Variants in NRXN1 observed in about 807,000 individuals in gnomAD.
NRXN1 encodes the protein neurexin-1.
In NRXN1, 39 loss-of-function variants were observed where a neutral mutation model predicts 150.9. The ratio of observed to expected loss-of-function variants is 0.26; its 90% CI spans 0.20 to 0.34. The LOEUF (loss-of-function observed/expected upper bound fraction) is 0.34. NRXN1 is among the 10% of genes least tolerant of loss of function. NRXN1 has a pLI of 1.00. For synonymous variants in NRXN1, 924 were observed against 757.0 expected (o/e 1.22, Z -3.62); for missense variants, 1,815 against 1,949.9 (o/e 0.93, Z 1.30).
chr2:50,286,029 T>C (rs2152938045), intron 17 of NRXN1, among the ~76,000 whole-genome samples: 1 of 152,280 alleles, frequency 6.6e-6, no homozygotes, highest in South Asian at 2.1e-4. Flanking sequence ...CAGATAAAAT[T>C]GTATGTGTTT....
At chr2:50,475,638 G>A (rs1037389103) in intron 15 of NRXN1, among the ~76,000 whole-genome samples, 4 of 152,002 alleles carry the variant, frequency 2.6e-5, no homozygotes, top group Non-Finnish European at 5.9e-5. Context: ...CAAGGTAGAC[G>A]AGGTTGGCTT....
chr2:50,457,841 G>T (rs2087732640), intron 17 of NRXN1, among the ~76,000 whole-genome samples: 1 of 152,020 alleles, frequency 6.6e-6, no homozygotes, highest in Non-Finnish European at 1.5e-5. Flanking sequence ...AACACATGCT[G>T]GCAAAAATTT....
intron 18 of NRXN1, among the ~76,000 whole-genome samples, chr2:50,228,552 T>A (rs2064628131): frequency 6.6e-6 from 1 of 151,970 alleles, no homozygotes; most frequent in Non-Finnish European, 1.5e-5. Context: ...AATATTAGTA[T>A]GGTAGTGACA....
intron 17 of NRXN1, among the ~76,000 whole-genome samples, chr2:50,247,614 T>C (rs1026125109): frequency 3.9e-5 from 6 of 152,170 alleles, no homozygotes; most frequent in South Asian, 4.1e-4. Context: ...CAAACCCAAA[T>C]TGAAGGACAT....
chr2:50,547,722 T>A (rs1317285768), intron 9 of NRXN1, among the ~76,000 whole-genome samples: 2 of 152,192 alleles, frequency 1.3e-5, no homozygotes, highest in African/African-American at 4.8e-5. Flanking sequence ...CCACTCTGAT[T>A]CACTAAATCA....
At chr2:49,986,313 C>G (rs1680903360) in intron 21 of NRXN1, among the ~76,000 whole-genome samples, 1 of 152,082 alleles carries the variant, frequency 6.6e-6, no homozygotes, top group African/African-American at 2.4e-5. Context: ...GATATTTACT[C>G]TATTAGAAAT....
At chr2:50,244,943 TC>T (rs1448991210) in intron 17 of NRXN1, among the ~76,000 whole-genome samples, 4 of 151,766 alleles carry the variant, frequency 2.6e-5, no homozygotes, top group African/African-American at 9.7e-5. Context: ...ATAAGAAAAA[TC>T]TATGTGTGTA....
intron 21 of NRXN1, 81 bp from the exon 22 acceptor site, chr2:49,943,872 T>TC: frequency 9.6e-7 from 1 of 1,041,650 alleles, no homozygotes; most frequent in East Asian, 2.6e-5. Context: ...ACAAGTGAAA[T>TC]ACAATTTGTT....
At chr2:50,382,530 T>G (rs1165509345) in intron 17 of NRXN1, among the ~76,000 whole-genome samples, 2 of 152,174 alleles carry the variant, frequency 1.3e-5, no homozygotes, top group African/African-American at 2.4e-5. Context: ...GAGGAAACCT[T>G]TCTCCTGGGC....
chr2:50,022,321 A>G (rs887189103), intron 21 of NRXN1, among the ~76,000 whole-genome samples: 1 of 152,114 alleles, frequency 6.6e-6, no homozygotes, highest in Non-Finnish European at 1.5e-5. Flanking sequence ...TTTATTCCTT[A>G]TTGTTCCAGT....
chr2:50,924,277 C>T (rs1686525836), intron 3 of NRXN1, among the ~76,000 whole-genome samples: 1 of 151,748 alleles, frequency 6.6e-6, no homozygotes, highest in East Asian at 1.9e-4. Flanking sequence ...TCCTGCTAGA[C>T]TTTCTACCTA....
At chr2:49,942,428 A>G (rs1672146043) in intron 22 of NRXN1, among the ~76,000 whole-genome samples, 1 of 152,090 alleles carries the variant, frequency 6.6e-6, no homozygotes, top group South Asian at 2.1e-4. Flanking sequence ...GATTTGCTCT[A>G]AAGAGCGGAT....
Position 49,962,080 on chromosome 2 carries a change from A to G in NRXN1, c.4129-18289T>C, listed in dbSNP as rs76579563. Among the ~76,000 whole-genome samples the G allele has an allele frequency of 3.8e-3, 580 of 152,262 alleles. 4 individuals are homozygous for G. The highest frequency in any genetic ancestry group is 0.013 in the African/African-American group (553 of 41,550). ...CCTAACACTAAAAAAAAGAAAAAAG[A>G]AAAATATCTGGTGTGTTTGTGGTAT... On this transcript the variant is annotated intron_variant, in intron 21 of 22. Coordinates refer to ENST00000401669, the MANE Select transcript of NRXN1 (RefSeq NM_001330078.2).
chr2:50,472,549 A>G (rs1026976318), intron 15 of NRXN1, 78 bp from the exon 16 acceptor site: 2 of 1,128,054 alleles, frequency 1.8e-6, no homozygotes, highest in Non-Finnish European at 2.5e-6. Flanking sequence ...GAGAAAAAAC[A>G]GGGAGGTTTA....
intron 18 of NRXN1, among the ~76,000 whole-genome samples, chr2:50,107,539 A>ATATATATATATATATAT (rs59921941): frequency 7.7e-6 from 1 of 129,880 alleles, no homozygotes; most frequent in East Asian, 2.3e-4. Context: ...ATATATATAT[A>ATATATATATATATATAT]TTTTTTTTTT....
chr2:50,586,582 AC>A (rs1357333669), intron 8 of NRXN1, among the ~76,000 whole-genome samples: 3 of 152,088 alleles, frequency 2.0e-5, no homozygotes, highest in African/African-American at 7.2e-5. Context: ...AAAAAAGTAG[AC>A]TAATCAAAAG....
rs1456511922 is a variant in NRXN1, at chr2:51,027,885, A to G, written c.389T>C (p.Ile130Thr). ...CACCCACTTGGCCTCCACCTGGTCG[A>G]TGAAGAGCGTGGTGTTGCGGAACTG... The part of the protein sequence containing the change: ...RRQFRNTTLF[I>T]DQVEAKWVEV... Residue 130 changes from isoleucine (I) to threonine (T), a missense_variant, in exon 2 of 23, where the codon ATC (isoleucine) becomes ACC (threonine). By Grantham distance (89) the Ile-to-Thr change is moderately conservative. This residue lies in a region of NRXN1 where 554 missense variants were observed against 478.8 expected (regional missense o/e 1.16). Transcript: ENST00000401669. The G allele has an allele frequency of 6.2e-6, 10 of 1,612,138 alleles. No homozygotes were observed. In the East Asian group the frequency reaches 1.8e-4, roughly 29 times the overall value.
chr2:50,323,805 G>T (rs1206195450), intron 17 of NRXN1, among the ~76,000 whole-genome samples: 1 of 152,070 alleles, frequency 6.6e-6, no homozygotes, highest in African/African-American at 2.4e-5. Flanking sequence ...AAGCAATCAA[G>T]CTAGAAAACA....
chr2:50,986,356 T>C (rs1025028274), intron 2 of NRXN1, among the ~76,000 whole-genome samples: 1 of 151,728 alleles, frequency 6.6e-6, no homozygotes, highest in Non-Finnish European at 1.5e-5. Flanking sequence ...TATCCATGTG[T>C]GAGTTAAATA....
Sources: gnomAD v4.1 joint callset for allele counts (sites outside exome capture counted in the v4.1 genomes callset) on GRCh38, gnomAD v4.1.1 for gene constraint, gnomAD v4.1.1 regional missense constraint, MANE v1.5 for transcripts, NCBI Gene and HGNC (gene_info 2026-07-23, HGNC 2026-07-21) for gene names.